Variants in ARHGEF4 observed in about 807,000 individuals in gnomAD.
The protein encoded by ARHGEF4 is Rho guanine nucleotide exchange factor 4, also known as APC-stimulated guanine nucleotide exchange factor 1.
In ARHGEF4, 119 loss-of-function variants were observed where a neutral mutation model predicts 162.0. The ratio of observed to expected loss-of-function variants is 0.73; its 90% CI spans 0.63 to 0.86. The LOEUF is 0.86. Ranked by LOEUF, ARHGEF4 falls within the 40% of genes least tolerant of loss-of-function variation. The pLI, the probability that ARHGEF4 is intolerant of heterozygous loss-of-function variation, is 0.00. For synonymous variants in ARHGEF4, 1,014 were observed against 979.9 expected, an observed-to-expected ratio of 1.03 and a Z score of -0.65; for missense variants, 2,488 against 2,456.0, an observed-to-expected ratio of 1.01 and a Z score of -0.28.
chr2:130,921,481 C>A (rs1420550646), intron 2 of ARHGEF4, among the ~76,000 whole-genome samples: 1 of 152,154 alleles, frequency 6.6e-6, no homozygotes, highest in African/African-American at 2.4e-5. Flanking sequence ...GGATGCATAT[C>A]TTTAGTCATA....
intron 4 of ARHGEF4, among the ~76,000 whole-genome samples, chr2:130,955,194 T>C (rs957797169): frequency 1.3e-5 from 2 of 152,216 alleles, no homozygotes; most frequent in Non-Finnish European, 2.9e-5. Flanking sequence ...ACATCTTTTG[T>C]CTTTTAATCA....
chr2:131,017,257 G>C (rs1419845415), intron 4 of ARHGEF4, among the ~76,000 whole-genome samples: 2 of 152,160 alleles, frequency 1.3e-5, no homozygotes, highest in African/African-American at 2.4e-5. Context: ...GCAGACAAGT[G>C]ACTGGCTCTC....
chr2:130,954,550 A>G (rs72994188), intron 4 of ARHGEF4, among the ~76,000 whole-genome samples: 2 of 152,226 alleles, frequency 1.3e-5, no homozygotes, highest in Admixed American at 6.5e-5. Flanking sequence ...AAGTATAATT[A>G]AAAAAATAAT....
At chr2:130,885,716 CCCG>C (rs1415770663) in intron 1 of ARHGEF4, among the ~76,000 whole-genome samples, 1 of 151,360 alleles carries the variant, frequency 6.6e-6, no homozygotes, top group Non-Finnish European at 1.5e-5. Flanking sequence ...ACTACAGGCG[CCCG>C]CCACCATGCC....
intron 3 of ARHGEF4, among the ~76,000 whole-genome samples, chr2:130,942,214 A>G (rs1432178430): frequency 1.5e-5 from 2 of 136,566 alleles, no homozygotes; most frequent in East Asian, 4.3e-4. Flanking sequence ...CAGTGGTGTG[A>G]TACCAGCTCA....
At chr2:130,864,197 G>GA (rs1455308661) in intron 1 of ARHGEF4, among the ~76,000 whole-genome samples, 1 of 119,696 alleles carries the variant, frequency 8.4e-6, no homozygotes, top group Admixed American at 8.2e-5. Flanking sequence ...AAGAAAGAAA[G>GA]AAAGAAAAAA....
chr2:130,985,858 ATGT>A, intron 4 of ARHGEF4, among the ~76,000 whole-genome samples: 1 of 148,562 alleles, frequency 6.7e-6, no homozygotes, highest in East Asian at 2.0e-4. Flanking sequence ...TGTTTTGTAT[ATGT>A]TGTGTGTGCG....
intron 4 of ARHGEF4, among the ~76,000 whole-genome samples, chr2:130,958,302 A>C (rs1276731522): frequency 6.6e-6 from 1 of 151,924 alleles, no homozygotes; most frequent in Non-Finnish European, 1.5e-5. Flanking sequence ...GGGAGAGGGG[A>C]ATGATCTTGG....
chr2:131,001,743 AAGG>A (rs1226194862), intron 4 of ARHGEF4, among the ~76,000 whole-genome samples: 1 of 152,196 alleles, frequency 6.6e-6, no homozygotes, highest in East Asian at 1.9e-4. Flanking sequence ...CAGACTTCAG[AAGG>A]ATACATGTAG....
intron 1 of ARHGEF4, among the ~76,000 whole-genome samples, chr2:130,848,924 G>T (rs1031969173): frequency 6.6e-6 from 1 of 152,154 alleles, no homozygotes; most frequent in Non-Finnish European, 1.5e-5. Flanking sequence ...AATGGGAGCT[G>T]CGCCTTGGAG....
chr2:130,883,556 A>G (rs545972374), intron 1 of ARHGEF4, among the ~76,000 whole-genome samples: 1 of 152,242 alleles, frequency 6.6e-6, no homozygotes, highest in South Asian at 2.1e-4. Context: ...ACACTTTTCT[A>G]AATGTCTTGC....
rs747105823 is a variant in ARHGEF4 at position 130,917,393 on chromosome 2, G to A, written c.3447G>A (p.Leu1149=). 7 of 1,550,656 alleles carry A rather than the reference G, an allele frequency of 4.5e-6. No individual in the cohort carries two copies. The South Asian group carries it at 4.8e-5, about 11-fold the overall frequency. The change falls in exon 2 of 14, where the codon CTG becomes CTA. Residue 1149 remains leucine, a synonymous_variant. Coordinates refer to ENST00000409359, the MANE Select transcript of ARHGEF4 (RefSeq NM_001367493.1). Reference sequence around the variant, plus strand: ...GCCAGACCAGTTTCCTGCTTTCTCTGCAGACGCTAAACCAAGATGAGCAGA... The same window carrying A: ...GCCAGACCAGTTTCCTGCTTTCTCTACAGACGCTAAACCAAGATGAGCAGA... ...PKGQTSFLLS[L]QTLNQDEQKE... is the part of the protein sequence containing the mutation.
rs572265706 is a variant in ARHGEF4, at chr2:131,046,886, G to T, written c.*697G>T. 1.3e-5 allele frequency: 2 copies of T among 152,824 alleles called. No homozygotes were observed. Among genetic ancestry groups the T allele is most frequent in the East Asian group, 3.9e-4 (2 of 5,188 alleles). 9.5% of individuals were successfully genotyped at this position (152,824 alleles called of 1,614,324 possible). On this transcript the variant is annotated 3_prime_UTR_variant, in exon 14 of 14. Coordinates refer to ENST00000409359, the MANE Select transcript of ARHGEF4 (RefSeq NM_001367493.1). ...TGGTCAGTCTGCCTGCTGCTGTGCG[G>T]TAGCTCCAGAACCACCTCGTTCCTG...
At chr2:131,039,663 G>A (rs997480790) in intron 6 of ARHGEF4, 5 of 1,184,624 alleles carry the variant, frequency 4.2e-6, no homozygotes, top group Non-Finnish European at 5.2e-6. Context: ...GTTAGCCAGC[G>A]GGCGCGCCAC....
At chr2:131,011,927 A>G (rs929413736) in intron 4 of ARHGEF4, 9 of 702,058 alleles carry the variant, frequency 1.3e-5, no homozygotes, top group Non-Finnish European at 2.1e-5. Flanking sequence ...TGGACAGATG[A>G]AAAATGGTTG....
chr2:130,964,042 T>C, intron 4 of ARHGEF4: 2 of 479,156 alleles, frequency 4.2e-6, no homozygotes, highest in Non-Finnish European at 5.5e-6. Context: ...CGGGCCCGCC[T>C]GCGTGCGGGC....
chr2:130,875,009 G>C (rs1049882670), intron 1 of ARHGEF4, among the ~76,000 whole-genome samples: 1 of 152,096 alleles, frequency 6.6e-6, no homozygotes, highest in Non-Finnish European at 1.5e-5. Flanking sequence ...TGGCAACTCT[G>C]GTTCGTTTTT....
chr2:130,984,259 C>T (rs1686318721), intron 4 of ARHGEF4, among the ~76,000 whole-genome samples: 1 of 152,148 alleles, frequency 6.6e-6, no homozygotes, highest in African/African-American at 2.4e-5. Flanking sequence ...AAGGAGAGCA[C>T]CACATACTAA....
intron 4 of ARHGEF4, among the ~76,000 whole-genome samples, chr2:130,988,937 A>AGGGAGAG (rs1553437079): frequency 9.6e-6 from 1 of 104,592 alleles, no homozygotes; most frequent in African/African-American, 4.0e-5. Flanking sequence ...GAGAGAGAGA[A>AGGGAGAG]AGATTCCAAA....
Sources: gnomAD v4.1 joint callset for allele counts (sites outside exome capture counted in the v4.1 genomes callset) on GRCh38, gnomAD v4.1.1 for gene constraint, MANE v1.5 for transcripts, NCBI Gene and HGNC (gene_info 2026-07-23, HGNC 2026-07-21) for gene names.